Variants in GRIK5 observed in about 807,000 individuals in gnomAD.
GRIK5 encodes the protein glutamate receptor ionotropic, kainate 5.
Under a neutral mutation model 97.4 loss-of-function variants are expected in GRIK5, and 43 were observed. The observed-to-expected ratio is 0.44, with a 90% CI of 0.35 to 0.57. The LOEUF (loss-of-function observed/expected upper bound fraction) is 0.57, where lower values mean the gene tolerates loss of function less well. Among genes scored for constraint, GRIK5 ranks in the 20% least tolerant of loss-of-function variants. GRIK5 has a pLI of 0.01. For missense variants in GRIK5, 1,015 were observed against 1,382.0 expected, an observed-to-expected ratio of 0.73 and a Z score of 4.21; for synonymous variants, 580 against 583.5, an observed-to-expected ratio of 0.99 and a Z score of 0.09.
Position 42,002,938 on chromosome 19 carries a change from G to T in GRIK5, c.2514+394C>A, listed in dbSNP as rs1315874078. On this transcript the variant is annotated intron_variant, in intron 19 of 19. Coordinates refer to ENST00000593562, the MANE Select transcript of GRIK5 (RefSeq NM_002088.5). The surrounding 1 kb of genome is among the most constrained non-coding windows in gnomAD (Gnocchi z 5.2). Reference sequence around the variant, plus strand: ...TTTAGTAGAGATGGGGTTTCACCATGTTGGCCAGGCTGATCTTGAACTCCT... The same window carrying T: ...TTTAGTAGAGATGGGGTTTCACCATTTTGGCCAGGCTGATCTTGAACTCCT... Among the ~76,000 whole-genome samples the T allele has an allele frequency of 6.6e-6, 1 of 152,120 alleles. No homozygotes were observed. Among genetic ancestry groups the T allele is most frequent in the African/African-American group, 2.4e-5 (1 of 41,396 alleles).
chr19:42,043,043 A>T, intron 11 of GRIK5: 1 of 503,462 alleles, frequency 2.0e-6, no homozygotes, highest in South Asian at 2.6e-5. Context: ...CGTATGAGGG[A>T]GGAGGTAACT....
At chr19:42,028,687 C>T (rs1270740212) in intron 12 of GRIK5, among the ~76,000 whole-genome samples, 1 of 152,378 alleles carries the variant, frequency 6.6e-6, no homozygotes, top group East Asian at 1.9e-4. Context: ...CAGCTCTTCC[C>T]TTTCTTCCTT....
Position 42,022,122 on chromosome 19 carries a change from T to C in GRIK5, c.1588-66A>G. The C allele has an allele frequency of 1.4e-6, 2 of 1,408,208 alleles. No homozygotes were observed. Among genetic ancestry groups the C allele is most frequent in the Non-Finnish European group, 2.0e-6 (2 of 1,005,128 alleles). 87.2% of individuals were successfully genotyped at this position (1,408,208 alleles called of 1,614,324 possible). A position where few individuals can be genotyped will look rare whatever the true frequency, so the allele number is the denominator to read the frequency against. The stretch of plus-strand genomic sequence containing the variant: ...TGAGCCTCACACCCAGCCCCTGCCC[T>C]ACCAGGGACCTGGGAGCCTGACCGG... On this transcript the variant is annotated intron_variant, in intron 13 of 19. Coordinates refer to ENST00000593562, the MANE Select transcript of GRIK5 (RefSeq NM_002088.5). This position sits in a 1 kb window ranked among gnomAD's most constrained non-coding sequence, Gnocchi z 4.2.
chr19:42,003,107 C>T lies in GRIK5; in HGVS notation c.2514+225G>A, dbSNP rs2075442896. 6.6e-6 allele frequency among the ~76,000 whole-genome samples: 1 copy of T among 152,056 alleles called. No individual in the cohort carries two copies. Among genetic ancestry groups the T allele is most frequent in the Non-Finnish European group, 1.5e-5 (1 of 68,010 alleles). ...CCACATCCTGTCCCTCACCTCCTCT[C>T]CCTGCATCCTCATTGCTCCCTGTGC... On this transcript the variant is annotated intron_variant, in intron 19 of 19. Coordinates refer to ENST00000593562, the MANE Select transcript of GRIK5 (RefSeq NM_002088.5). The surrounding 1 kb of genome is among the most constrained non-coding windows in gnomAD (Gnocchi z 4.2).
Position 42,065,868 on chromosome 19 carries a change from T to A in GRIK5, c.-50-48A>T. 2 of 967,102 alleles carry A rather than the reference T, an allele frequency of 2.1e-6. No homozygotes were observed. The highest frequency in any genetic ancestry group is 2.9e-5 in the South Asian group (2 of 69,214). The allele number at this position is 967,102 out of a possible 1,614,324, so 59.9% of individuals were successfully genotyped here. On this transcript the variant is annotated intron_variant, in intron 1 of 19. Transcript: ENST00000593562. This position sits in a 1 kb window ranked among gnomAD's most constrained non-coding sequence, Gnocchi z 5.8. The stretch of plus-strand genomic sequence containing the variant: ...AAGGGGAGATTACTATGTGGTGGGA[T>A]GGAACCCCTTGGAGGCCTGCTGGAT...
intron 12 of GRIK5, among the ~76,000 whole-genome samples, chr19:42,032,858 ATCT>A (rs2075855528): frequency 6.6e-6 from 1 of 152,120 alleles, no homozygotes; most frequent in African/African-American, 2.4e-5. Flanking sequence ...CCAAGGCAAC[ATCT>A]TCTCTCATCC....
chr19:42,023,416 C>G (rs1011710966), intron 12 of GRIK5, among the ~76,000 whole-genome samples: 1 of 152,136 alleles, frequency 6.6e-6, no homozygotes, highest in Admixed American at 6.5e-5. Context: ...ATGACTAATA[C>G]GTGAATTGTC....
chr19:42,029,437 G>A (rs2075814700), intron 12 of GRIK5, among the ~76,000 whole-genome samples: 2 of 151,282 alleles, frequency 1.3e-5, no homozygotes, highest in South Asian at 2.1e-4. Flanking sequence ...GTGAAACCCC[G>A]TCTCTACTAA....
chr19:42,020,003 TC>T (rs934579808), intron 15 of GRIK5, among the ~76,000 whole-genome samples: 7 of 151,392 alleles, frequency 4.6e-5, no homozygotes, highest in Admixed American at 3.3e-4. Context: ...TTTTTTTTTT[TC>T]ATTTGAGACA....
chr19:42,012,224 G>GTGTA (rs541112270), intron 15 of GRIK5, among the ~76,000 whole-genome samples: 6,940 of 151,436 alleles, frequency 0.046, 197 homozygotes, highest in Non-Finnish European at 0.062. Flanking sequence ...ATACATGTAT[G>GTGTA]TGTATGTATG....
chr19:42,042,657 C>T lies in GRIK5; in HGVS notation c.1368G>A (p.Glu456=). ...GCAGGCGGTAGCGGAAGCGCAGCAG[C>T]TCGGCCAGCTCCCGCAGCATGTCCA... ...FCVDMLRELA[E]LLRFRYRLRL... The change falls in exon 12 of 20, where the codon GAG becomes GAA. Residue 456 remains glutamate (E), a synonymous_variant. Coordinates refer to ENST00000593562, the MANE Select transcript of GRIK5 (RefSeq NM_002088.5). The surrounding 1 kb of genome is among the most constrained non-coding windows in gnomAD (Gnocchi z 6.9). 3 of 1,613,506 alleles carry T rather than the reference C, an allele frequency of 1.9e-6. No individual in the cohort carries two copies. The highest frequency in any genetic ancestry group is 2.5e-6 in the Non-Finnish European group (3 of 1,179,970).
At chr19:42,063,317 T>G (rs1458328092) in intron 3 of GRIK5, 1 of 457,280 alleles carries the variant, frequency 2.2e-6, no homozygotes, top group African/African-American at 2.0e-5. Context: ...CTCTTTCTTC[T>G]GCTCTCTTCC....
chr19:41,998,853 G>A lies in GRIK5; in HGVS notation c.*18C>T, dbSNP rs1369702388. 3.5e-5 allele frequency: 39 copies of A among 1,110,298 alleles called. No individual in the cohort carries two copies. The highest frequency in any genetic ancestry group is 4.3e-5 in the Non-Finnish European group (39 of 908,288). The allele number at this position is 1,110,298 out of a possible 1,614,324, so 68.8% of individuals were successfully genotyped here. ...GTCCCTTCGGTCAGTCCGGGCGCCC[G>A]CACAGCCCCGCCCGTGGTCACTCGT... On this transcript the variant is annotated 3_prime_UTR_variant, in exon 20 of 20. Coordinates refer to ENST00000593562, the MANE Select transcript of GRIK5 (RefSeq NM_002088.5).
intron 15 of GRIK5, among the ~76,000 whole-genome samples, chr19:42,009,793 A>G (rs370395052): frequency 6.7e-4 from 100 of 150,178 alleles, no homozygotes; most frequent in African/African-American, 2.4e-3. Context: ...AAAGCCAGGC[A>G]CAGTGGCTCA....
intron 15 of GRIK5, among the ~76,000 whole-genome samples, chr19:42,019,975 G>GT (rs1193925499): frequency 6.7e-6 from 1 of 149,102 alleles, no homozygotes; most frequent in African/African-American, 2.5e-5. Context: ...CTTTCATTGG[G>GT]TTTTTTTGGG....
chr19:42,009,471 A>T (rs1261481781), intron 15 of GRIK5, among the ~76,000 whole-genome samples: 1 of 133,370 alleles, frequency 7.5e-6, no homozygotes, highest in African/African-American at 2.8e-5. Context: ...CCTTATCTTT[A>T]AAAAAAAAAA....
intron 12 of GRIK5, among the ~76,000 whole-genome samples, chr19:42,038,042 T>C (rs2146095697): frequency 6.6e-6 from 1 of 152,334 alleles, no homozygotes; most frequent in South Asian, 2.1e-4. Flanking sequence ...ACCTAAGATC[T>C]TCTTTGCCCT....
At chr19:42,033,057 C>T (rs576462133) in intron 12 of GRIK5, among the ~76,000 whole-genome samples, 40 of 152,320 alleles carry the variant, frequency 2.6e-4, no homozygotes, top group African/African-American at 6.7e-4. Flanking sequence ...CAGTGGCTCA[C>T]GCCTGTAATC....
In GRIK5 at chr19:42,062,620, G is replaced by T. The variant is rs201744922; in HGVS notation, c.376C>A (p.Pro126Thr). ...GCGAAGCGAAGGTACTGAAGGCGGG[G>T]TGTCTCCTCGGGACCCACCTTGATG... ...PHIKVGPEETPRLQYLRFASV... is the reference protein window; with the variant it reads ...PHIKVGPEETTRLQYLRFASV... Residue 126 changes from proline to threonine, a missense_variant, in exon 5 of 20, where the codon CCC becomes ACC. Coordinates refer to ENST00000593562, the MANE Select transcript of GRIK5 (RefSeq NM_002088.5). The surrounding 1 kb of genome is among the most constrained non-coding windows in gnomAD (Gnocchi z 5.3). 2.9e-5 allele frequency: 47 copies of T among 1,614,154 alleles called. No individual in the cohort carries two copies. Among genetic ancestry groups the T allele is most frequent in the Admixed American group, 1.0e-4 (6 of 60,026 alleles).
Sources: gnomAD v4.1 joint callset for allele counts (sites outside exome capture counted in the v4.1 genomes callset) on GRCh38, gnomAD v4.1.1 for gene constraint, Gnocchi (gnomAD v3.1) non-coding constraint, MANE v1.5 for transcripts, NCBI Gene and HGNC (gene_info 2026-07-23, HGNC 2026-07-21) for gene names.